The following PTPRA variants were observed in gnomAD, a reference collection of about 807,000 sequenced individuals.
The protein encoded by PTPRA is receptor-type tyrosine-protein phosphatase alpha.
PTPRA carries 25 observed loss-of-function variants against 104.8 expected under a neutral mutation model. The observed-to-expected ratio is 0.24, with a 90% CI of 0.17 to 0.33. The LOEUF (loss-of-function observed/expected upper bound fraction) is 0.33. PTPRA is among the 10% of genes least tolerant of loss of function. The pLI, the probability that PTPRA is intolerant of heterozygous loss-of-function variation, is 1.00. For missense variants in PTPRA, 765 were observed against 1,015.3 expected, an observed-to-expected ratio of 0.75 and a Z score of 3.35; for synonymous variants, 323 against 368.9, an observed-to-expected ratio of 0.88 and a Z score of 1.43.
intron 1 of PTPRA, among the ~76,000 whole-genome samples, chr20:2,910,480 C>CTT (rs34928941): frequency 0.011 from 181 of 16,770 alleles, 12 homozygotes; most frequent in African/African-American, 0.061. Flanking sequence ...TTTATATATA[C>CTT]TTTTTTTTTT....
intron 5 of PTPRA, among the ~76,000 whole-genome samples, chr20:2,969,562 A>G (rs1040865936): frequency 6.6e-6 from 1 of 150,874 alleles, no homozygotes; most frequent in Non-Finnish European, 1.5e-5. Context: ...CCTTTTAAAA[A>G]TAAATAAATA....
chr20:2,891,224 G>C (rs984344099), intron 1 of PTPRA, among the ~76,000 whole-genome samples: 1 of 152,136 alleles, frequency 6.6e-6, no homozygotes, highest in African/African-American at 2.4e-5. Context: ...GACTGCTGCA[G>C]GTTCCCTTGT....
chr20:2,948,486 A>T (rs1410321953), intron 3 of PTPRA, among the ~76,000 whole-genome samples: 1 of 152,126 alleles, frequency 6.6e-6, no homozygotes, highest in Non-Finnish European at 1.5e-5. Flanking sequence ...CATTACATTC[A>T]TCTAGCAAAA....
rs552550496 is a variant in PTPRA, at chr20:2,902,176, C to T, written c.-128-21031C>T. 6.6e-5 allele frequency among the ~76,000 whole-genome samples: 10 copies of T among 152,218 alleles called. No individual in the cohort carries two copies. In the South Asian group the frequency reaches 1.7e-3, roughly 25 times the overall value. On this transcript the variant is annotated intron_variant, in intron 1 of 23. Transcript: ENST00000399903. The stretch of plus-strand genomic sequence containing the variant: ...CAGGGATTACAGGTGTGAGCCACTG[C>T]GCCTGGCCAATTGTGATTTTTTTAA...
intron 17 of PTPRA, 47 bp from the exon 18 acceptor site, chr20:3,026,640 T>TTCAGTTACTGGGA: frequency 1.4e-6 from 2 of 1,462,454 alleles, no homozygotes; most frequent in South Asian, 2.3e-5. Flanking sequence ...TCTTGTCAAG[T>TTCAGTTACTGGGA]TCAGTTACTG....
At chr20:2,900,367 G>T (rs984483475) in intron 1 of PTPRA, among the ~76,000 whole-genome samples, 1 of 151,978 alleles carries the variant, frequency 6.6e-6, no homozygotes, top group Non-Finnish European at 1.5e-5. Flanking sequence ...GACTATGTAG[G>T]CCATTTTCTT....
chr20:2,959,775 A>T (rs1184281387), intron 3 of PTPRA, among the ~76,000 whole-genome samples: 1 of 151,740 alleles, frequency 6.6e-6, no homozygotes, highest in Non-Finnish European at 1.5e-5. Context: ...ATATGATGAA[A>T]CCCCATGTCT....
chr20:2,877,208 A>G (rs1324392), intron 1 of PTPRA, among the ~76,000 whole-genome samples: 32,458 of 152,186 alleles, frequency 0.21, 3,905 homozygotes, highest in East Asian at 0.36. Flanking sequence ...TTCCAGTGCA[A>G]TAATAAATGT....
In PTPRA at chr20:3,038,634, A is replaced by G. The variant is rs898765560; in HGVS notation, c.*501A>G. The G allele has an allele frequency of 6.4e-6, 1 of 156,418 alleles. No individual in the cohort carries two copies. The highest frequency in any genetic ancestry group is 2.4e-5 in the African/African-American group (1 of 41,426). 9.7% of individuals were successfully genotyped at this position (156,418 alleles called of 1,614,324 possible). ...AGAGCGGTATCTCTGGCACCACACT[A>G]GGGACTATCAGGTAATAAAAGCTTT... On this transcript the variant is annotated 3_prime_UTR_variant, in exon 24 of 24. Transcript: ENST00000399903.
rs1214935417 is a variant in PTPRA, at chr20:2,986,863, C to A, written c.527+14C>A. On this transcript the variant is annotated intron_variant, in intron 7 of 23. Coordinates refer to ENST00000399903, the MANE Select transcript of PTPRA (RefSeq NM_001385305.1). ...GTACATGTTAAGGTGAGCCTACTAACACTTCACATTCTCTTAGATTCTGTT... is the reference window on the plus strand; with the variant it reads ...GTACATGTTAAGGTGAGCCTACTAAAACTTCACATTCTCTTAGATTCTGTT... The A allele has an allele frequency of 6.3e-7, 1 of 1,577,616 alleles. No individual in the cohort carries two copies. Among genetic ancestry groups the A allele is most frequent in the Admixed American group, 1.7e-5 (1 of 59,952 alleles).
At chr20:2,997,235 T>C (rs2063436585) in intron 9 of PTPRA, among the ~76,000 whole-genome samples, 1 of 152,138 alleles carries the variant, frequency 6.6e-6, no homozygotes, top group Non-Finnish European at 1.5e-5. Flanking sequence ...GACTACAAAT[T>C]GTCAACAGTG....
intron 14 of PTPRA, 123 bp downstream of exon 14, chr20:3,021,551 C>G: frequency 7.4e-7 from 1 of 1,352,828 alleles, no homozygotes; most frequent in Non-Finnish European, 1.0e-6. Flanking sequence ...AATTCTGAAA[C>G]CAGATATCCG....
intron 2 of PTPRA, among the ~76,000 whole-genome samples, chr20:2,927,118 GTTTCACC>G (rs1169852582): frequency 6.6e-6 from 1 of 151,624 alleles, no homozygotes; most frequent in Admixed American, 6.6e-5. Context: ...TAGAGACAGG[GTTTCACC>G]TGTTGGATCT....
At chr20:2,951,343 G>A (rs548535944) in intron 3 of PTPRA, among the ~76,000 whole-genome samples, 35 of 152,126 alleles carry the variant, frequency 2.3e-4, no homozygotes, top group African/African-American at 7.7e-4. Flanking sequence ...CTCGTGATCC[G>A]CCCACCTCAG....
intron 20 of PTPRA, among the ~76,000 whole-genome samples, chr20:3,031,594 A>G (rs1007495515): frequency 1.3e-5 from 2 of 152,020 alleles, no homozygotes; most frequent in African/African-American, 2.4e-5. Context: ...TCTGCCCTGT[A>G]TCTGCACTGC....
At chr20:2,896,439 CT>C (rs774392587) in intron 1 of PTPRA, among the ~76,000 whole-genome samples, 5 of 152,140 alleles carry the variant, frequency 3.3e-5, no homozygotes, top group African/African-American at 4.8e-5. Flanking sequence ...CCTACATGCA[CT>C]TTCAGTCCTT....
intron 1 of PTPRA, among the ~76,000 whole-genome samples, chr20:2,917,102 C>A (rs998894830): frequency 1.3e-5 from 2 of 151,856 alleles, no homozygotes; most frequent in Middle Eastern, 3.4e-3. Context: ...GGATTACAGG[C>A]ACACACCATC....
chr20:3,010,844 C>A (rs575931641), intron 11 of PTPRA, among the ~76,000 whole-genome samples: 1 of 152,320 alleles, frequency 6.6e-6, no homozygotes, highest in South Asian at 2.1e-4. Flanking sequence ...TCATGATTTA[C>A]CCCTCTGAGC....
chr20:3,015,817 T>G (rs768070327), intron 11 of PTPRA, 32 bp from the exon 12 acceptor site: 1 of 1,519,390 alleles, frequency 6.6e-7, no homozygotes, highest in South Asian at 1.1e-5. Context: ...TTTGGTTTTC[T>G]CTTTCTTTTT....
Sources: allele counts gnomAD v4.1 joint callset (sites outside exome capture counted in the v4.1 genomes callset), GRCh38; gene constraint gnomAD v4.1.1; transcripts MANE v1.5; gene names NCBI Gene and HGNC (gene_info 2026-07-23, HGNC 2026-07-21).